NECAB1: variants seen among roughly 807,000 people sequenced by gnomAD.
NECAB1 encodes N-terminal EF-hand calcium binding protein 1, also known as N-terminal EF-hand calcium-binding protein 1.
Under a neutral mutation model 57.5 loss-of-function variants are expected in NECAB1, and 29 were observed. The observed-to-expected ratio is 0.50, with a 90% CI of 0.38 to 0.69. NECAB1 has a LOEUF of 0.69. Ranked by LOEUF, NECAB1 falls within the 30% of genes least tolerant of loss-of-function variation. The pLI, the probability that NECAB1 is intolerant of heterozygous loss-of-function variation, is 0.00. For missense variants in NECAB1, 372 were observed against 413.8 expected, an observed-to-expected ratio of 0.90 and a Z score of 0.88; for synonymous variants, 142 against 147.7, an observed-to-expected ratio of 0.96 and a Z score of 0.28.
chr8:90,926,840 G>A (rs901612395), intron 7 of NECAB1, among the ~76,000 whole-genome samples: 1 of 152,142 alleles, frequency 6.6e-6, no homozygotes, highest in South Asian at 2.1e-4. Flanking sequence ...CAGTAACAAT[G>A]GGGAGGGAAA....
intron 2 of NECAB1, among the ~76,000 whole-genome samples, chr8:90,817,847 A>G (rs1028426371): frequency 1.3e-5 from 2 of 151,842 alleles, no homozygotes; most frequent in African/African-American, 2.4e-5. Flanking sequence ...AGTGTTATTT[A>G]TGCTTCAGTT....
intron 3 of NECAB1, among the ~76,000 whole-genome samples, chr8:90,849,483 C>CT (rs5893138): frequency 0.81 from 92,203 of 113,418 alleles, 37,739 homozygotes; most frequent in East Asian, 0.96. Flanking sequence ...AAGAAAAATG[C>CT]TTTTTTTTTT....
chr8:90,849,148 G>T (rs1418238970), intron 3 of NECAB1, among the ~76,000 whole-genome samples: 1 of 152,134 alleles, frequency 6.6e-6, no homozygotes, highest in Non-Finnish European at 1.5e-5. Context: ...GAAATTTAGT[G>T]CATCCAGTAA....
In NECAB1 at chr8:90,824,874, G is replaced by A. The variant is rs191998709; in HGVS notation, c.233+49G>A. ...ATTCCACAAGTGAGGCACAGAGAGC[G>A]TGAATGCATTCATGTCCAGGAAGAA... is the stretch of plus-strand genomic sequence containing the variant. On this transcript the variant is annotated intron_variant, in intron 3 of 12. Coordinates refer to ENST00000417640, the MANE Select transcript of NECAB1 (RefSeq NM_022351.5). 3.9e-5 allele frequency: 37 copies of A among 937,676 alleles called. No individual in the cohort carries two copies. The Admixed American group carries it at 4.5e-4, about 11-fold the overall frequency. 58.1% of individuals were successfully genotyped at this position (937,676 alleles called of 1,614,324 possible). A position where few individuals can be genotyped will look rare whatever the true frequency, so the allele number is the denominator to read the frequency against.
At chr8:90,890,702 TCAAA>T (rs1809141526) in intron 5 of NECAB1, among the ~76,000 whole-genome samples, 1 of 152,180 alleles carries the variant, frequency 6.6e-6, no homozygotes, top group Non-Finnish European at 1.5e-5. Context: ...CTATCAGCTT[TCAAA>T]CAAAGAGGGT....
chr8:90,904,113 G>A (rs556156280), intron 5 of NECAB1, among the ~76,000 whole-genome samples: 1 of 152,230 alleles, frequency 6.6e-6, no homozygotes, highest in South Asian at 2.1e-4. Context: ...TTCCTGGGTG[G>A]AGGGGAAAGC....
chr8:90,823,780 T>C (rs1812183461), intron 2 of NECAB1, among the ~76,000 whole-genome samples: 1 of 151,862 alleles, frequency 6.6e-6, no homozygotes, highest in African/African-American at 2.4e-5. Context: ...ATGGAAGGGA[T>C]CTTACTATCT....
chr8:90,864,955 C>A (rs1253759831), intron 3 of NECAB1, among the ~76,000 whole-genome samples: 1 of 151,930 alleles, frequency 6.6e-6, no homozygotes, highest in Non-Finnish European at 1.5e-5. Flanking sequence ...CATCTATGCA[C>A]ATGTCTGTGG....
intron 5 of NECAB1, among the ~76,000 whole-genome samples, chr8:90,897,080 A>AT (rs1035306710): frequency 4.6e-5 from 7 of 151,960 alleles, no homozygotes; most frequent in Admixed American, 3.9e-4. Flanking sequence ...AATTTAAAAA[A>AT]AATAATTAAA....
At chr8:90,850,953 G>A (rs931862651) in intron 3 of NECAB1, among the ~76,000 whole-genome samples, 4 of 152,188 alleles carry the variant, frequency 2.6e-5, no homozygotes, top group Non-Finnish European at 1.5e-5. Context: ...AACCAACCAA[G>A]TGATTAGAGG....
rs1811075904 is a variant in NECAB1, at chr8:90,958,621, A to C, written c.*3109A>C. On this transcript the variant is annotated 3_prime_UTR_variant, in exon 13 of 13. Transcript: ENST00000417640. ...AGAAGGAACTTTAAAAGCAACAAGC[A>C]ATTATGTACCATATATACACTGTAG... The C allele has an allele frequency of 5.8e-6, 1 of 173,016 alleles. No individual in the cohort carries two copies. The highest frequency in any genetic ancestry group is 6.5e-5 in the Admixed American group (1 of 15,378). 10.7% of individuals were successfully genotyped at this position (173,016 alleles called of 1,614,324 possible). A position where few individuals can be genotyped will look rare whatever the true frequency, so the allele number is the denominator to read the frequency against.
At chr8:90,934,454 A>T in intron 9 of NECAB1, 97 bp downstream of exon 9, 1 of 799,054 alleles carries the variant, frequency 1.3e-6, no homozygotes, top group Non-Finnish European at 1.9e-6. Context: ...AAAATTGAAA[A>T]ACCAAGTAGT....
intron 5 of NECAB1, among the ~76,000 whole-genome samples, chr8:90,890,957 G>A (rs1311391156): frequency 1.3e-5 from 2 of 152,180 alleles, no homozygotes; most frequent in East Asian, 1.9e-4. Flanking sequence ...GGAAAGCATC[G>A]CTTTGTCCAG....
chr8:90,814,499 C>T (rs1228015088), intron 2 of NECAB1, among the ~76,000 whole-genome samples: 2 of 152,064 alleles, frequency 1.3e-5, no homozygotes, highest in African/African-American at 2.4e-5. Flanking sequence ...TATTTAGAAC[C>T]CTTCTGCATG....
chr8:90,923,905 A>G (rs1810194263), intron 6 of NECAB1, among the ~76,000 whole-genome samples: 1 of 152,224 alleles, frequency 6.6e-6, no homozygotes, highest in South Asian at 2.1e-4. Flanking sequence ...CTGTTTGTAA[A>G]ACAGCAATTC....
chr8:90,801,825 A>G, intron 2 of NECAB1, 110 bp downstream of exon 2: 2 of 728,176 alleles, frequency 2.7e-6, no homozygotes, highest in Non-Finnish European at 4.5e-6. Context: ...CATATAAAAT[A>G]CTACCTTATT....
chr8:90,819,990 G>A (rs576645952), intron 2 of NECAB1, among the ~76,000 whole-genome samples: 6 of 152,032 alleles, frequency 3.9e-5, no homozygotes, highest in Non-Finnish European at 8.8e-5. Flanking sequence ...ACCAAAGTAT[G>A]GAGGTTCCCC....
chr8:90,921,862 G>A lies in NECAB1; in HGVS notation c.495-3673G>A, dbSNP rs147181327. Among the ~76,000 whole-genome samples the A allele has an allele frequency of 1.8e-4, 28 of 152,290 alleles. No individual in the cohort carries two copies. The East Asian group carries it at 5.4e-3, about 29-fold the overall frequency. ...GTCATCTATTCCATCTATCAGCCCCGGGGAGAATCACACAGTATCATTCAT... is the reference window on the plus strand; with the variant it reads ...GTCATCTATTCCATCTATCAGCCCCAGGGAGAATCACACAGTATCATTCAT... On this transcript the variant is annotated intron_variant, in intron 6 of 12. Transcript: ENST00000417640.
intron 3 of NECAB1, among the ~76,000 whole-genome samples, chr8:90,862,452 G>A (rs1274978572): frequency 1.3e-5 from 2 of 152,060 alleles, no homozygotes; most frequent in Non-Finnish European, 2.9e-5. Flanking sequence ...GACACAGATG[G>A]AGTTCTCAAT....
Sources: gnomAD v4.1 joint callset for allele counts (sites outside exome capture counted in the v4.1 genomes callset) on GRCh38, gnomAD v4.1.1 for gene constraint, MANE v1.5 for transcripts, NCBI Gene and HGNC (gene_info 2026-07-23, HGNC 2026-07-21) for gene names.